The following BTNL8 variants were observed in gnomAD, a reference collection of about 807,000 sequenced individuals.
BTNL8 encodes the protein butyrophilin-like protein 8.
In BTNL8, 22 loss-of-function variants were observed where a neutral mutation model predicts 36.1. The ratio of observed to expected loss-of-function variants is 0.61; its 90% confidence interval spans 0.44 to 0.87. The LOEUF (loss-of-function observed/expected upper bound fraction) is 0.87, where lower values mean the gene tolerates loss of function less well. Ranked by LOEUF, BTNL8 falls within the 40% of genes least tolerant of loss-of-function variation. BTNL8 has a pLI of 0.00. For missense variants in BTNL8, 526 were observed against 616.9 expected (o/e 0.85, Z 1.56); for synonymous variants, 203 against 235.6 (o/e 0.86, Z 1.27).
chr5:180,940,190 C>A (rs937182598), intron 3 of BTNL8, among the ~76,000 whole-genome samples: 1 of 151,710 alleles, frequency 6.6e-6, no homozygotes, highest in African/African-American at 2.4e-5. Flanking sequence ...ACTAAAAATA[C>A]AAAAAATTGG....
At chr5:180,928,968 T>C (rs925756334) in intron 3 of BTNL8, among the ~76,000 whole-genome samples, 2 of 152,168 alleles carry the variant, frequency 1.3e-5, no homozygotes, top group African/African-American at 2.4e-5. Flanking sequence ...GTGGACCCTA[T>C]AGGCAGCTAC....
rs191699029 is a variant in BTNL8, at chr5:180,902,141, G to A, written c.49+2782G>A. ...CTCTTCTCTGGGCCATTAGAAAGAC[G>A]TCAACTTTGGTTTTCAGCAAGGACG... On this transcript the variant is annotated intron_variant, in intron 1 of 7. Coordinates refer to ENST00000340184, the MANE Select transcript of BTNL8 (RefSeq NM_001040462.3). Among the ~76,000 whole-genome samples the A allele has an allele frequency of 6.9e-4, 105 of 152,000 alleles. No homozygotes were observed. The South Asian group carries it at 8.9e-3, about 13-fold the overall frequency.
At chr5:180,945,866 C>T (rs1759210490) in intron 3 of BTNL8, 1 of 443,970 alleles carries the variant, frequency 2.3e-6, no homozygotes, top group Non-Finnish European at 4.7e-6. Context: ...GCAGTGTTTC[C>T]ATCAGCACGC....
At chr5:180,918,809 CA>C (rs774120054) in intron 3 of BTNL8, among the ~76,000 whole-genome samples, 3 of 152,102 alleles carry the variant, frequency 2.0e-5, no homozygotes, top group South Asian at 4.1e-4. Flanking sequence ...TTCTGGTTGG[CA>C]AATGGTTGTG....
At chr5:180,902,692 C>G (rs1368232142) in intron 1 of BTNL8, among the ~76,000 whole-genome samples, 3 of 139,714 alleles carry the variant, frequency 2.1e-5, no homozygotes, top group African/African-American at 8.2e-5. Flanking sequence ...TACCCCACAA[C>G]GTCCCCAGAG....
At chr5:180,909,015 A>T in intron 2 of BTNL8, 82 bp downstream of exon 2, 1 of 1,402,862 alleles carries the variant, frequency 7.1e-7, no homozygotes, top group Non-Finnish European at 9.7e-7. Context: ...AGGAAATTTT[A>T]AAATTTTAGG....
Position 180,919,638 on chromosome 5 carries a change from C to T in BTNL8, c.673+8024C>T, listed in dbSNP as rs150233297. Among the ~76,000 whole-genome samples the T allele has an allele frequency of 4.5e-4, 69 of 152,246 alleles. No homozygotes were observed. The East Asian group carries it at 0.011, about 23-fold the overall frequency. ...GTCTCTGTTTGGAGATGACATGACA[C>T]GTAGTGAGCCCTAGAGAATCCACTA... is the stretch of plus-strand genomic sequence containing the variant. On this transcript the variant is annotated intron_variant, in intron 3 of 7. Coordinates refer to ENST00000340184, the MANE Select transcript of BTNL8 (RefSeq NM_001040462.3).
chr5:180,939,098 G>A (rs569031014), intron 3 of BTNL8, among the ~76,000 whole-genome samples: 10 of 152,104 alleles, frequency 6.6e-5, no homozygotes, highest in South Asian at 2.1e-4. Flanking sequence ...TCCATCAAAC[G>A]GCAAAGGGAA....
At chr5:180,928,939 G>A (rs576073609) in intron 3 of BTNL8, among the ~76,000 whole-genome samples, 4 of 152,262 alleles carry the variant, frequency 2.6e-5, no homozygotes, top group Admixed American at 2.0e-4. Flanking sequence ...TTCAGGACTT[G>A]AACTCAGCTC....
In BTNL8 at chr5:180,950,364, G is replaced by A. The variant is rs375532895; in HGVS notation, c.1323G>A (p.Arg441=). The A allele has an allele frequency of 1.9e-5, 28 of 1,462,966 alleles. 4 individuals are homozygous for A. The highest frequency in any genetic ancestry group is 3.5e-4 in the Middle Eastern group (2 of 5,706). The allele number at this position is 1,462,966 out of a possible 1,614,324, so 90.6% of individuals were successfully genotyped here. ...TLTCRFEGLL[R]PYIEYPSYNE... The stretch of plus-strand genomic sequence containing the variant: ...CATGTCGGTTTGAAGGCTTATTGAG[G>A]CCCTACATTGAGTATCCGTCCTATA... Residue 441 remains arginine (R), a synonymous_variant, in exon 8 of 8, where the codon AGG becomes AGA. Transcript: ENST00000340184.
At chr5:180,908,278 G>A (rs1303359816) in intron 1 of BTNL8, among the ~76,000 whole-genome samples, 1 of 150,962 alleles carries the variant, frequency 6.6e-6, no homozygotes, top group Admixed American at 6.6e-5. Flanking sequence ...GATTTTCCAG[G>A]TGCGTCCGTC....
chr5:180,930,641 T>C (rs1758329176), intron 3 of BTNL8, among the ~76,000 whole-genome samples: 1 of 152,014 alleles, frequency 6.6e-6, no homozygotes, highest in African/African-American at 2.4e-5. Flanking sequence ...TGTGCAAAAA[T>C]CACAAGCATT....
intron 3 of BTNL8, among the ~76,000 whole-genome samples, chr5:180,913,899 A>C (rs1350076791): frequency 1.3e-5 from 2 of 152,238 alleles, no homozygotes; most frequent in Non-Finnish European, 2.9e-5. Flanking sequence ...ATGTGACTTG[A>C]ATCAGTAAGA....
intron 1 of BTNL8, among the ~76,000 whole-genome samples, chr5:180,900,773 G>A (rs755503372): frequency 4.6e-5 from 7 of 152,328 alleles, no homozygotes; most frequent in African/African-American, 7.2e-5. Flanking sequence ...GCTAATGAGC[G>A]TTGCTGCGGT....
intron 3 of BTNL8, among the ~76,000 whole-genome samples, chr5:180,942,076 T>C (rs1582060453): frequency 1.3e-5 from 2 of 152,200 alleles, no homozygotes; most frequent in South Asian, 4.1e-4. Context: ...CTCTTAGAAC[T>C]GATAAACAAA....
intron 3 of BTNL8, among the ~76,000 whole-genome samples, chr5:180,928,251 G>A (rs1758197239): frequency 6.6e-6 from 1 of 152,102 alleles, no homozygotes; most frequent in African/African-American, 2.4e-5. Context: ...ATAAGTGAAG[G>A]AGAAATAAAA....
intron 3 of BTNL8, among the ~76,000 whole-genome samples, chr5:180,924,362 C>T (rs1427906122): frequency 6.6e-6 from 1 of 152,214 alleles, no homozygotes; most frequent in African/African-American, 2.4e-5. Flanking sequence ...CCTGAGTGAT[C>T]AAGCAGCAAC....
rs146639608 is a variant in BTNL8 at position 180,938,686 on chromosome 5, C to T, written c.674-8826C>T. Among the ~76,000 whole-genome samples, 377 of 151,926 alleles carry T rather than the reference C, an allele frequency of 2.5e-3. 1 individual carries two copies. The highest frequency in any genetic ancestry group is 4.4e-3 in the South Asian group (21 of 4,812). On this transcript the variant is annotated intron_variant, in intron 3 of 7. Transcript: ENST00000340184. ...TCGAGTAGCTGGGATTACAGGCACG[C>T]ACCACCACACCCAGCTAATTTTTGT... is the stretch of plus-strand genomic sequence containing the variant.
chr5:180,949,821 G>C, intron 7 of BTNL8, 83 bp from the exon 8 acceptor site: 3 of 1,393,162 alleles, frequency 2.2e-6, no homozygotes, highest in African/African-American at 2.8e-5. Context: ...GAGCCAGTCT[G>C]CAGTGGGAGG....
Sources: allele counts gnomAD v4.1 joint callset (sites outside exome capture counted in the v4.1 genomes callset), GRCh38; gene constraint gnomAD v4.1.1; transcripts MANE v1.5; gene names NCBI Gene and HGNC (gene_info 2026-07-23, HGNC 2026-07-21).